Variants in LRRC75B observed in about 807,000 individuals in gnomAD.
LRRC75B encodes leucine rich repeat containing 75B.
In LRRC75B, 20 loss-of-function variants were observed where a neutral mutation model predicts 16.5. The ratio of observed to expected loss-of-function variants is 1.21; its 90% CI spans 0.85 to 1.76. The LOEUF (loss-of-function observed/expected upper bound fraction) is 1.76. LRRC75B is among the 40% of genes most tolerant of loss of function. The pLI is 0.00. For synonymous variants in LRRC75B, 199 were observed against 198.1 expected (o/e 1.00, Z -0.04); for missense variants, 406 against 417.0 (o/e 0.97, Z 0.23).
chr22:24,585,749 T>C lies in LRRC75B; in HGVS notation c.*137A>G. 1 of 999,646 alleles carries C rather than the reference T, an allele frequency of 1.0e-6. No individual in the cohort carries two copies. Among genetic ancestry groups the C allele is most frequent in the South Asian group, 1.7e-5 (1 of 58,526 alleles). 61.9% of individuals were successfully genotyped at this position (999,646 alleles called of 1,614,324 possible). A position where few individuals can be genotyped will look rare whatever the true frequency, so the allele number is the denominator to read the frequency against. ...CACCTGGCCACCTATGAGTCCATTC[T>C]TCTGTCCCCTTAATCTCAGGCTGAG... On this transcript the variant is annotated 3_prime_UTR_variant, in exon 4 of 4. Coordinates refer to ENST00000318753, the MANE Select transcript of LRRC75B (RefSeq NM_207644.3).
At chr22:24,592,809 A>C (rs896365116) in intron 1 of LRRC75B, 54 bp downstream of exon 1, 1 of 1,235,714 alleles carries the variant, frequency 8.1e-7, no homozygotes, top group Admixed American at 4.2e-5. Context: ...AGACCCCCAG[A>C]CCCCCAGACC....
In LRRC75B at chr22:24,586,481, C is replaced by T; in HGVS notation, c.423-70G>A. The T allele has an allele frequency of 1.1e-5, 17 of 1,492,488 alleles. No individual in the cohort carries two copies. The South Asian group carries it at 2.1e-4, about 19-fold the overall frequency. The allele number at this position is 1,492,488 out of a possible 1,614,324, so 92.5% of individuals were successfully genotyped here. On this transcript the variant is annotated intron_variant, in intron 3 of 3. Transcript: ENST00000318753. ...TCCCCCCACTGACCACAGACAGTGA[C>T]CTGTCGGGAACAGCCCAGGCCTACA...
At chr22:24,591,502 C>T (rs2045566704) in intron 1 of LRRC75B, among the ~76,000 whole-genome samples, 1 of 152,210 alleles carries the variant, frequency 6.6e-6, no homozygotes, top group Admixed American at 6.5e-5. Context: ...GGGTCCCAAG[C>T]ACAGGAAGTT....
intron 3 of LRRC75B, among the ~76,000 whole-genome samples, chr22:24,587,972 G>C (rs1426762041): frequency 1.3e-5 from 2 of 152,188 alleles, no homozygotes; most frequent in Non-Finnish European, 2.9e-5. Context: ...TGTATGAATG[G>C]CAGGAGGCAG....
intron 1 of LRRC75B, chr22:24,592,163 G>C: frequency 2.5e-6 from 1 of 396,816 alleles, no homozygotes; most frequent in Non-Finnish European, 5.1e-6. Context: ...CCAGGTGATT[G>C]GGGGGACCAG....
chr22:24,592,232 G>A (rs2045590586), intron 1 of LRRC75B: 4 of 456,144 alleles, frequency 8.8e-6, no homozygotes, highest in African/African-American at 8.0e-5. Context: ...GTGTGTAGGA[G>A]CAGAGCCACC....
chr22:24,592,009 C>G (rs78105003), intron 1 of LRRC75B, among the ~76,000 whole-genome samples: 1 of 152,236 alleles, frequency 6.6e-6, no homozygotes, highest in Non-Finnish European at 1.5e-5. Flanking sequence ...GACCACTTCG[C>G]TCCATGCCTC....
intron 1 of LRRC75B, 68 bp downstream of exon 1, chr22:24,592,795 T>TCCCAGACCCCCAGACC: frequency 1.6e-6 from 2 of 1,259,534 alleles, no homozygotes; most frequent in Non-Finnish European, 2.0e-6. Flanking sequence ...GCCCCGCGCC[T>TCCCAGACCCCCAGACC]CCCAGACCCC....
rs1347064616 is a variant in LRRC75B, at chr22:24,586,298, C to G, written c.536G>C (p.Gly179Ala). The G allele has an allele frequency of 5.0e-6, 8 of 1,614,018 alleles. No homozygotes were observed. The East Asian group carries it at 1.1e-4, about 22-fold the overall frequency. The change falls in exon 4 of 4, where the codon GGT (glycine) becomes GCT (alanine). Residue 179 changes from glycine to alanine, a missense_variant. Gly to Ala is a moderately conservative substitution (Grantham distance 60, BLOSUM62 0). Coordinates refer to ENST00000318753, the MANE Select transcript of LRRC75B (RefSeq NM_207644.3). ...QHITRYLSSH[G>A]AVLAVLDLSF... ...CAGGTCCAGCACCGCCAGCACAGCA[C>G]CATGGCTGCTCAGGTAGCGTGTGAT...
Position 24,592,919 on chromosome 22 carries a change from T to C in LRRC75B, c.121A>G (p.Thr41Ala). The C allele has an allele frequency of 7.9e-7, 1 of 1,265,698 alleles. No homozygotes were observed. The highest frequency in any genetic ancestry group is 1.0e-6 in the Non-Finnish European group (1 of 1,004,070). The allele number at this position is 1,265,698 out of a possible 1,614,324, so 78.4% of individuals were successfully genotyped here. A position where few individuals can be genotyped will look rare whatever the true frequency, so the allele number is the denominator to read the frequency against. ...CGCTCCGGCCGCCGCTCGCGGAGCGTGGACTGGATCTCGCGGAGCCACCGC... is the reference window on the plus strand; with the variant it reads ...CGCTCCGGCCGCCGCTCGCGGAGCGCGGACTGGATCTCGCGGAGCCACCGC... Reference protein sequence around the residue: ...RVRWLREIQSTLRERRPERAR... With the variant: ...RVRWLREIQSALRERRPERAR... Residue 41 changes from threonine to alanine, a missense_variant, in exon 1 of 4, where the codon ACG (threonine) becomes GCG (alanine). Coordinates refer to ENST00000318753, the MANE Select transcript of LRRC75B (RefSeq NM_207644.3).
intron 2 of LRRC75B, chr22:24,589,428 T>C (rs1449937400): frequency 1.0e-6 from 1 of 986,916 alleles, no homozygotes; most frequent in African/African-American, 1.8e-5. Context: ...CGAGAGCGGC[T>C]CTCTTCTGGC....
intron 3 of LRRC75B, among the ~76,000 whole-genome samples, chr22:24,586,930 C>T (rs937941167): frequency 2.0e-5 from 3 of 152,246 alleles, no homozygotes; most frequent in Non-Finnish European, 4.4e-5. Flanking sequence ...GGATTAAATG[C>T]ACACACAGTA....
chr22:24,587,311 A>G (rs2045424635), intron 3 of LRRC75B, among the ~76,000 whole-genome samples: 1 of 152,148 alleles, frequency 6.6e-6, no homozygotes, highest in Non-Finnish European at 1.5e-5. Context: ...TTTCTCAGTT[A>G]GAAGGGAAGT....
chr22:24,589,542 T>C (rs1347063025), intron 2 of LRRC75B: 2 of 460,636 alleles, frequency 4.3e-6, no homozygotes, highest in Non-Finnish European at 6.8e-6. Context: ...ATAGTCTTCC[T>C]GGTCTGGGCC....
chr22:24,591,791 G>A (rs1039560799), intron 1 of LRRC75B, among the ~76,000 whole-genome samples: 4 of 152,254 alleles, frequency 2.6e-5, no homozygotes, highest in African/African-American at 7.2e-5. Flanking sequence ...CCAGGAGGAA[G>A]GCTGGCTGAT....
rs903019303 is a variant in LRRC75B at position 24,585,807 on chromosome 22, C to T, written c.*79G>A. 18 of 1,353,858 alleles carry T rather than the reference C, an allele frequency of 1.3e-5. No individual in the cohort carries two copies. Among genetic ancestry groups the T allele is most frequent in the Non-Finnish European group, 1.7e-5 (17 of 1,017,632 alleles). 83.9% of individuals were successfully genotyped at this position (1,353,858 alleles called of 1,614,324 possible). ...ACTGGATTTCTGGGGGCCTGTGAGT[C>T]CTCCTTGACCTTCATCGCCCACTAT... is the stretch of plus-strand genomic sequence containing the variant. On this transcript the variant is annotated 3_prime_UTR_variant, in exon 4 of 4. Coordinates refer to ENST00000318753, the MANE Select transcript of LRRC75B (RefSeq NM_207644.3).
At chr22:24,590,280 A>G (rs1179339380) in intron 1 of LRRC75B, among the ~76,000 whole-genome samples, 2 of 152,094 alleles carry the variant, frequency 1.3e-5, no homozygotes, top group East Asian at 1.9e-4. Context: ...GACAGGCACC[A>G]CTATGCTCAG....
At position 24,592,251 on chromosome 22, in the gene LRRC75B, G is replaced by A. The variant is rs1294102413; in HGVS notation, c.177+612C>T. 8.4e-5 allele frequency: 39 copies of A among 462,676 alleles called. No individual in the cohort carries two copies. The East Asian group carries it at 1.7e-3, about 21-fold the overall frequency. The allele number at this position is 462,676 out of a possible 1,614,324, so 28.7% of individuals were successfully genotyped here. On this transcript the variant is annotated intron_variant, in intron 1 of 3. Transcript: ENST00000318753. ...GTAGGAGCAGAGCCACCACCGGACC[G>A]AGTGTTGTGATGCACAGATGCTGGG...
intron 1 of LRRC75B, 61 bp from the exon 2 acceptor site, chr22:24,590,010 C>G: frequency 6.7e-7 from 1 of 1,481,856 alleles, no homozygotes; most frequent in Admixed American, 2.4e-5. Flanking sequence ...GAGGCACCAC[C>G]CCAGCCAGCC....
Sources: allele counts gnomAD v4.1 joint callset (sites outside exome capture counted in the v4.1 genomes callset), GRCh38; gene constraint gnomAD v4.1.1; transcripts MANE v1.5; gene names NCBI Gene and HGNC (gene_info 2026-07-23, HGNC 2026-07-21).